The following HMG20A variants were observed in gnomAD, a reference collection of about 807,000 sequenced individuals.
HMG20A encodes high mobility group 20A, also known as high mobility group protein 20A.
HMG20A carries 17 observed loss-of-function variants against 43.9 expected under a neutral mutation model. The ratio of observed to expected loss-of-function variants is 0.39; its 90% CI spans 0.27 to 0.58. HMG20A has a LOEUF of 0.58. Among genes scored for constraint, HMG20A ranks in the 20% least tolerant of loss-of-function variants. The probability of loss-of-function intolerance (pLI) is 0.59; values close to 1 mark genes in which losing one functional copy is unlikely to be tolerated. For synonymous variants in HMG20A, 132 were observed against 147.5 expected, an observed-to-expected ratio of 0.89 and a Z score of 0.76; for missense variants, 341 against 438.2, an observed-to-expected ratio of 0.78 and a Z score of 1.98.
intron 3 of HMG20A, 21 bp from the exon 4 acceptor site, chr15:77,467,074 T>G: frequency 1.3e-6 from 2 of 1,593,686 alleles, no homozygotes; most frequent in Non-Finnish European, 1.7e-6. Flanking sequence ...TTTTGGTTTT[T>G]TATTTTGTTT....
the HMG20A span, among the ~76,000 whole-genome samples, chr15:77,496,624 C>G: frequency 6.6e-6 from 1 of 152,188 alleles, no homozygotes; most frequent in Non-Finnish European, 1.5e-5. Context: ...GTTTTCTTCC[C>G]CAGGGGAAAA....
chr15:77,499,533 C>CCA, the HMG20A span, among the ~76,000 whole-genome samples: 180 of 151,578 alleles, frequency 1.2e-3, no homozygotes, highest in African/African-American at 3.8e-3. Context: ...ATGCTCCCCC[C>CCA]CACACACACA....
At chr15:77,511,341 C>T in the HMG20A span, among the ~76,000 whole-genome samples, 1 of 152,168 alleles carries the variant, frequency 6.6e-6, no homozygotes, top group Non-Finnish European at 1.5e-5. Flanking sequence ...CTGGGAGCAA[C>T]AAGCCCCCAA....
intron 1 of HMG20A, among the ~76,000 whole-genome samples, chr15:77,440,171 A>G (rs1399094207): frequency 6.6e-6 from 1 of 152,124 alleles, no homozygotes; most frequent in African/African-American, 2.4e-5. Context: ...TGATGAACAG[A>G]CATTCTTAAC....
Position 77,471,006 on chromosome 15 carries a change from A to G in HMG20A, c.547A>G (p.Thr183Ala), listed in dbSNP as rs754849702. 2.4e-5 allele frequency: 38 copies of G among 1,612,516 alleles called. No individual in the cohort carries two copies. Among genetic ancestry groups the G allele is most frequent in the Non-Finnish European group, 3.1e-5 (36 of 1,179,548 alleles). Reference sequence around the variant, plus strand: ...GGCCTACAAGGTCTTCAGTAGGAAAACCCAGGACCGTCAGAAAGGCAAATC... The same window carrying G: ...GGCCTACAAGGTCTTCAGTAGGAAAGCCCAGGACCGTCAGAAAGGCAAATC... ...TEAYKVFSRK[T>A]QDRQKGKSHR... The change falls in exon 5 of 10, where the codon ACC (threonine) becomes GCC (alanine). Residue 183 changes from threonine to alanine, a missense_variant. Coordinates refer to ENST00000336216, the MANE Select transcript of HMG20A (RefSeq NM_001304504.2).
chr15:77,457,882 T>G (rs1170139072), intron 1 of HMG20A, among the ~76,000 whole-genome samples: 1 of 152,228 alleles, frequency 6.6e-6, no homozygotes, highest in Non-Finnish European at 1.5e-5. Context: ...TGAGAACTGG[T>G]AATGCTGTAA....
At chr15:77,445,987 A>G (rs2073669733) in intron 1 of HMG20A, among the ~76,000 whole-genome samples, 1 of 152,250 alleles carries the variant, frequency 6.6e-6, no homozygotes, top group Non-Finnish European at 1.5e-5. Context: ...AGGGGGGACT[A>G]CCGTCTATGC....
At position 77,467,091 on chromosome 15, in the gene HMG20A, G is replaced by A. The variant is rs763652328; in HGVS notation, c.238-4G>A. 1.9e-6 allele frequency: 3 copies of A among 1,609,778 alleles called. No individual in the cohort carries two copies. The highest frequency in any genetic ancestry group is 2.5e-6 in the Non-Finnish European group (3 of 1,177,408). On this transcript the variant is annotated splice_polypyrimidine_tract_variant and splice_region_variant and intron_variant, in intron 3 of 9. Transcript: ENST00000336216. ...TTGGTTTTTTATTTTGTTTTGTTTTGTAGCAACGAAGTAAACGAGGAGGTT... is the reference window on the plus strand; with the variant it reads ...TTGGTTTTTTATTTTGTTTTGTTTTATAGCAACGAAGTAAACGAGGAGGTT...
chr15:77,429,785 C>T (rs1332247476), intron 1 of HMG20A, among the ~76,000 whole-genome samples: 1 of 152,006 alleles, frequency 6.6e-6, no homozygotes, highest in Non-Finnish European at 1.5e-5. Context: ...TTCACAATAG[C>T]GTCTTTAAGA....
At chr15:77,454,676 A>G (rs2072638113) in intron 1 of HMG20A, among the ~76,000 whole-genome samples, 1 of 152,166 alleles carries the variant, frequency 6.6e-6, no homozygotes, top group Admixed American at 6.6e-5. Context: ...CTTCTAGTGT[A>G]TAGAAAGATG....
downstream of HMG20A, among the ~76,000 whole-genome samples, chr15:77,488,996 G>A (rs1394642806): frequency 6.6e-6 from 1 of 152,078 alleles, no homozygotes; most frequent in Non-Finnish European, 1.5e-5. Context: ...TTCCTCTTAC[G>A]TGACCTTAGG....
intron 3 of HMG20A, chr15:77,464,741 C>T (rs1292824431): frequency 5.6e-6 from 1 of 178,994 alleles, no homozygotes; most frequent in Non-Finnish European, 1.2e-5. Flanking sequence ...GCATGGAGCC[C>T]TATGTGCCCA....
intron 1 of HMG20A, 62 bp downstream of exon 1, chr15:77,421,066 T>G: frequency 2.5e-6 from 1 of 396,244 alleles, no homozygotes; most frequent in Non-Finnish European, 4.4e-6. Flanking sequence ...CCCTTGAAGA[T>G]CACCCCTCTT....
the HMG20A span, among the ~76,000 whole-genome samples, chr15:77,494,132 T>G: frequency 7.6e-6 from 1 of 131,858 alleles, no homozygotes; most frequent in African/African-American, 2.9e-5. Flanking sequence ...TAATGTTAAC[T>G]TTTTTTGTTG....
downstream of HMG20A, among the ~76,000 whole-genome samples, chr15:77,487,344 CTA>C (rs548225118): frequency 9.3e-4 from 141 of 152,278 alleles, no homozygotes; most frequent in Admixed American, 1.6e-3. Flanking sequence ...AATTTCATAA[CTA>C]TGTGTGACTT....
chr15:77,477,304 G>A (rs1017873986), intron 6 of HMG20A, among the ~76,000 whole-genome samples: 1 of 152,178 alleles, frequency 6.6e-6, no homozygotes, highest in African/African-American at 2.4e-5. Flanking sequence ...GGAAATTTAC[G>A]TAACTTTGTT....
the HMG20A span, among the ~76,000 whole-genome samples, chr15:77,512,077 C>G: frequency 6.6e-4 from 100 of 152,298 alleles, no homozygotes; most frequent in Non-Finnish European, 8.7e-4. Flanking sequence ...ATTACTCAGT[C>G]TTAAACAGGA....
intron 5 of HMG20A, among the ~76,000 whole-genome samples, chr15:77,471,299 T>G (rs1286758732): frequency 6.6e-6 from 1 of 152,186 alleles, no homozygotes; most frequent in Non-Finnish European, 1.5e-5. Context: ...CTGCCCTTCT[T>G]TTCCTGATTC....
chr15:77,479,125 T>G (rs576084937), intron 8 of HMG20A, 54 bp from the exon 9 acceptor site: 1 of 1,567,312 alleles, frequency 6.4e-7, no homozygotes, highest in East Asian at 2.2e-5. Flanking sequence ...AATTGTGTTT[T>G]ATGGTACAAC....
Sources: gnomAD v4.1 joint callset for allele counts (sites outside exome capture counted in the v4.1 genomes callset) on GRCh38, gnomAD v4.1.1 for gene constraint, MANE v1.5 for transcripts, NCBI Gene and HGNC (gene_info 2026-07-23, HGNC 2026-07-21) for gene names.